The following RAD51B variants were observed in gnomAD, a reference collection of about 807,000 sequenced individuals.
The protein encoded by RAD51B is DNA repair protein RAD51 homolog 2.
In RAD51B, 38 loss-of-function variants were observed where a neutral mutation model predicts 42.2. The observed-to-expected ratio is 0.90, with a 90% confidence interval of 0.70 to 1.18. The LOEUF (loss-of-function observed/expected upper bound fraction) is 1.18, where lower values mean the gene tolerates loss of function less well. RAD51B is among the 50% of genes most tolerant of loss of function. The probability of loss-of-function intolerance (pLI) is 0.00; values close to 1 mark genes in which losing one functional copy is unlikely to be tolerated. For synonymous variants in RAD51B, 154 were observed against 145.2 expected, an observed-to-expected ratio of 1.06 and a Z score of -0.43; for missense variants, 373 against 400.7, an observed-to-expected ratio of 0.93 and a Z score of 0.59.
downstream of RAD51B, among the ~76,000 whole-genome samples, chr14:68,613,591 C>T (rs1188792597): frequency 2.0e-5 from 3 of 151,872 alleles, no homozygotes; most frequent in Non-Finnish European, 4.4e-5. Context: ...GTAGCTGGGA[C>T]TACAGGAGCC....
intron 8 of RAD51B, among the ~76,000 whole-genome samples, chr14:68,393,991 T>C (rs2083837636): frequency 6.6e-6 from 1 of 152,098 alleles, no homozygotes; most frequent in African/African-American, 2.4e-5. Flanking sequence ...GAATTTTGTT[T>C]TGAACTTGTG....
At chr14:68,467,219 AT>A (rs968538767) in intron 9 of RAD51B, among the ~76,000 whole-genome samples, 10 of 152,200 alleles carry the variant, frequency 6.6e-5, no homozygotes, top group African/African-American at 1.9e-4. Flanking sequence ...AATGATACTG[AT>A]TTTTTTAAAT....
At position 68,232,662 on chromosome 14, in the gene RAD51B, A is replaced by G. The variant is rs76456907; in HGVS notation, c.757-59222A>G. ...GAGTGAACAGCCAGAGTCAGCAGAC[A>G]TAGGATATTGTCAGAGGTAAATCAC... is the stretch of plus-strand genomic sequence containing the variant. On this transcript the variant is annotated intron_variant, in intron 7 of 10. Transcript: ENST00000471583. Among the ~76,000 whole-genome samples the G allele has an allele frequency of 4.5e-3, 691 of 152,354 alleles. 6 individuals carry two copies. The highest frequency in any genetic ancestry group is 0.016 in the African/African-American group (669 of 41,588).
chr14:68,099,805 G>T (rs1296583189), intron 7 of RAD51B, among the ~76,000 whole-genome samples: 1 of 152,226 alleles, frequency 6.6e-6, no homozygotes, highest in African/African-American at 2.4e-5. Flanking sequence ...ATGGAATTGT[G>T]TGGGGCTGTG....
At chr14:68,482,633 T>C (rs1883293228), downstream of RAD51B, among the ~76,000 whole-genome samples, 1 of 152,340 alleles carries the variant, frequency 6.6e-6, no homozygotes, top group Non-Finnish European at 1.5e-5. Context: ...ATCCTGTGGC[T>C]GTGAAAGGAC....
intron 10 of RAD51B, among the ~76,000 whole-genome samples, chr14:68,634,391 G>C (rs890883791): frequency 6.6e-6 from 1 of 152,182 alleles, no homozygotes; most frequent in South Asian, 2.1e-4. Flanking sequence ...TTGTGGGTCA[G>C]AGAACAGCTG....
chr14:68,134,083 G>A (rs373499032), intron 7 of RAD51B, among the ~76,000 whole-genome samples: 6 of 152,006 alleles, frequency 3.9e-5, no homozygotes, highest in Admixed American at 6.6e-5. Flanking sequence ...GAAGCCTCTC[G>A]TGCCACATCC....
At chr14:68,306,500 A>G in intron 8 of RAD51B, 1 of 302,462 alleles carries the variant, frequency 3.3e-6, no homozygotes, top group Non-Finnish European at 6.9e-6. Context: ...CTAGACATGA[A>G]TTAGAACAAG....
chr14:68,291,792 T>C lies in RAD51B; in HGVS notation c.757-92T>C, dbSNP rs533348490. ...TATTTATCAGTCTTCTCCTAAACCA[T>C]AGTCTGCCTTTTGATAGCTCTAATA... On this transcript the variant is annotated intron_variant, in intron 7 of 10. Transcript: ENST00000471583. 506 of 964,722 alleles carry C rather than the reference T, an allele frequency of 5.2e-4. No individual in the cohort carries two copies. The highest frequency in any genetic ancestry group is 7.3e-4 in the Non-Finnish European group (448 of 610,500). The allele number at this position is 964,722 out of a possible 1,614,324, so 59.8% of individuals were successfully genotyped here. A position where few individuals can be genotyped will look rare whatever the true frequency, so the allele number is the denominator to read the frequency against.
rs955329388 is a variant in RAD51B at position 68,087,870 on chromosome 14, T to C, written c.756+200666T>C. On this transcript the variant is annotated intron_variant, in intron 7 of 10. Transcript: ENST00000471583. ...TTATTATATATATAATTATATAATA[T>C]ATTATTTATATAATTATATAATATA... 3.5e-3 allele frequency among the ~76,000 whole-genome samples: 282 copies of C among 81,310 alleles called. 4 individuals carry two copies. The highest frequency in any genetic ancestry group is 0.019 in the African/African-American group (272 of 14,580). The allele number at this position is 81,310 out of a possible 152,430, so 53.3% of individuals were successfully genotyped here.
At chr14:68,119,717 A>G (rs2077613956) in intron 7 of RAD51B, among the ~76,000 whole-genome samples, 1 of 151,312 alleles carries the variant, frequency 6.6e-6, no homozygotes, top group Non-Finnish European at 1.5e-5. Context: ...CCAGTCTATC[A>G]TTGTTGGACA....
chr14:68,518,926 G>A (rs951637219), intron 10 of RAD51B, among the ~76,000 whole-genome samples: 1 of 152,206 alleles, frequency 6.6e-6, no homozygotes, highest in African/African-American at 2.4e-5. Flanking sequence ...GGACCAAACA[G>A]TGGCCCTTCT....
intron 7 of RAD51B, among the ~76,000 whole-genome samples, chr14:68,189,961 T>C (rs1362155992): frequency 1.3e-5 from 2 of 152,170 alleles, no homozygotes; most frequent in African/African-American, 2.4e-5. Context: ...CCACTGCACC[T>C]GGCCTCCCTT....
chr14:68,488,453 C>T (rs950688226), intron 10 of RAD51B, among the ~76,000 whole-genome samples: 1 of 152,110 alleles, frequency 6.6e-6, no homozygotes, highest in Admixed American at 6.6e-5. Flanking sequence ...CTGTCCTTGG[C>T]TTGCTTAGTC....
intron 7 of RAD51B, among the ~76,000 whole-genome samples, chr14:68,102,826 G>A (rs563022142): frequency 6.6e-6 from 1 of 152,172 alleles, no homozygotes; most frequent in East Asian, 1.9e-4. Flanking sequence ...CTGTTCTTAT[G>A]CTGCTAATAA....
intron 7 of RAD51B, among the ~76,000 whole-genome samples, chr14:68,057,829 G>GTA (rs2076502320): frequency 6.8e-6 from 1 of 147,124 alleles, no homozygotes; most frequent in Admixed American, 6.7e-5. Flanking sequence ...CTTTGTGTGT[G>GTA]TGTGTGTGTG....
chr14:68,161,550 T>C (rs1299675633), intron 7 of RAD51B, among the ~76,000 whole-genome samples: 1 of 152,118 alleles, frequency 6.6e-6, no homozygotes, highest in African/African-American at 2.4e-5. Flanking sequence ...GTAGAAGAGA[T>C]CTGTTTCCTC....
chr14:67,935,730 C>G (rs1462115261), intron 7 of RAD51B, among the ~76,000 whole-genome samples: 1 of 152,090 alleles, frequency 6.6e-6, no homozygotes, highest in African/African-American at 2.4e-5. Context: ...CAGCTGCAGT[C>G]TTCTTGTTTC....
At chr14:68,322,992 A>G (rs759752687) in intron 8 of RAD51B, among the ~76,000 whole-genome samples, 5 of 152,366 alleles carry the variant, frequency 3.3e-5, no homozygotes, top group South Asian at 2.1e-4. Flanking sequence ...TAGATTCGTG[A>G]CTATGAGAAT....
Sources: gnomAD v4.1 joint callset for allele counts (sites outside exome capture counted in the v4.1 genomes callset) on GRCh38, gnomAD v4.1.1 for gene constraint, MANE v1.5 for transcripts, NCBI Gene and HGNC (gene_info 2026-07-23, HGNC 2026-07-21) for gene names.